Variants in KAZN observed in about 807,000 individuals in gnomAD.
The protein encoded by KAZN is kazrin, periplakin interacting protein.
Under a neutral mutation model 87.4 loss-of-function variants are expected in KAZN, and 40 were observed. The ratio of observed to expected loss-of-function variants is 0.46; its 90% CI spans 0.36 to 0.60. KAZN has a LOEUF of 0.60. Among genes scored for constraint, KAZN ranks in the 20% least tolerant of loss-of-function variants. KAZN has a pLI of 0.00. For synonymous variants in KAZN, 466 were observed against 458.3 expected, an observed-to-expected ratio of 1.02 and a Z score of -0.22; for missense variants, 898 against 1,073.9, an observed-to-expected ratio of 0.84 and a Z score of 2.29.
chr1:14,712,883 A>G (rs891268293), intron 1 of KAZN, among the ~76,000 whole-genome samples: 11 of 152,190 alleles, frequency 7.2e-5, no homozygotes, highest in African/African-American at 2.4e-4. Flanking sequence ...ACACACCACA[A>G]TAAAGAGCAT....
chr1:14,356,320 T>C (rs1659025277), intron 2 of KAZN, among the ~76,000 whole-genome samples: 1 of 152,262 alleles, frequency 6.6e-6, no homozygotes, highest in South Asian at 2.1e-4. Flanking sequence ...AGATTCTGGA[T>C]ATTAGCCCTT....
chr1:14,641,553 G>A (rs973938469), intron 1 of KAZN, among the ~76,000 whole-genome samples: 5 of 152,206 alleles, frequency 3.3e-5, no homozygotes, highest in Admixed American at 1.3e-4. Flanking sequence ...TGTGCCTCAA[G>A]GTGGTGCTCC....
chr1:14,388,659 A>G (rs1214835813), intron 2 of KAZN, among the ~76,000 whole-genome samples: 3 of 152,230 alleles, frequency 2.0e-5, no homozygotes, highest in Non-Finnish European at 4.4e-5. Context: ...CAGAAGAATG[A>G]AACTAGACCC....
intron 2 of KAZN, among the ~76,000 whole-genome samples, chr1:14,202,165 G>A (rs1203106885): frequency 6.6e-6 from 1 of 152,178 alleles, no homozygotes; most frequent in East Asian, 1.9e-4. Flanking sequence ...CACACAGGGT[G>A]AGTCCTGGAG....
At chr1:14,527,130 T>C (rs1671914587) in intron 2 of KAZN, among the ~76,000 whole-genome samples, 1 of 152,184 alleles carries the variant, frequency 6.6e-6, no homozygotes, top group African/African-American at 2.4e-5. Flanking sequence ...ATCTGGGTGG[T>C]CCTCACTTGG....
chr1:14,242,058 G>C (rs1425224241), intron 2 of KAZN, among the ~76,000 whole-genome samples: 1 of 152,128 alleles, frequency 6.6e-6, no homozygotes. Context: ...GCTCCTTGAA[G>C]TATCATCTTA....
At chr1:14,260,549 AG>A (rs946424201) in intron 2 of KAZN, among the ~76,000 whole-genome samples, 45 of 152,298 alleles carry the variant, frequency 3.0e-4, no homozygotes, top group African/African-American at 1.1e-3. Flanking sequence ...CCAAGGTTAC[AG>A]CTGGATGGAG....
At chr1:14,804,241 G>A (rs1028848350) in intron 1 of KAZN, among the ~76,000 whole-genome samples, 11 of 152,216 alleles carry the variant, frequency 7.2e-5, no homozygotes, top group African/African-American at 2.4e-4. Context: ...ACAAACGTAA[G>A]CAAAGTGGGA....
At chr1:14,320,109 G>T (rs945873254) in intron 2 of KAZN, among the ~76,000 whole-genome samples, 8 of 152,104 alleles carry the variant, frequency 5.3e-5, no homozygotes, top group African/African-American at 1.9e-4. Flanking sequence ...GAGGCTATAG[G>T]ATAGTAAGGA....
At chr1:13,987,926 G>C (rs965345009) in intron 1 of KAZN, among the ~76,000 whole-genome samples, 1 of 152,164 alleles carries the variant, frequency 6.6e-6, no homozygotes, top group Non-Finnish European at 1.5e-5. Context: ...GGCATCTGTT[G>C]AGAACCTTTG....
intron 1 of KAZN, among the ~76,000 whole-genome samples, chr1:14,153,109 G>A (rs946274609): frequency 6.6e-6 from 1 of 152,088 alleles, no homozygotes; most frequent in African/African-American, 2.4e-5. Context: ...TTGTCAGATG[G>A]GTAGTTTGTA....
chr1:14,286,679 C>G (rs1489170655), intron 2 of KAZN, among the ~76,000 whole-genome samples: 1 of 152,154 alleles, frequency 6.6e-6, no homozygotes, highest in Non-Finnish European at 1.5e-5. Context: ...GAAGAAAGCT[C>G]TAAGCCCACT....
At chr1:14,210,825 C>A (rs1273159488) in intron 2 of KAZN, among the ~76,000 whole-genome samples, 5 of 152,000 alleles carry the variant, frequency 3.3e-5, no homozygotes, top group African/African-American at 1.2e-4. Flanking sequence ...TTCTGCAAAT[C>A]TCTTTAATGT....
chr1:14,835,399 C>T (rs1459764763), intron 1 of KAZN, among the ~76,000 whole-genome samples: 3 of 152,104 alleles, frequency 2.0e-5, no homozygotes, highest in African/African-American at 4.8e-5. Context: ...TCTTGTACCC[C>T]GTAGGCAGAG....
At chr1:15,053,174 G>C (rs892191073) in intron 4 of KAZN, among the ~76,000 whole-genome samples, 6 of 152,212 alleles carry the variant, frequency 3.9e-5, no homozygotes, top group Non-Finnish European at 1.5e-5. Context: ...GCAAGGGAGT[G>C]GGGCATCCCC....
chr1:14,084,920 A>G (rs956743517), intron 1 of KAZN, among the ~76,000 whole-genome samples: 20 of 152,024 alleles, frequency 1.3e-4, no homozygotes, highest in African/African-American at 4.8e-4. Flanking sequence ...GTGCATATAT[A>G]TGTGTGTGTG....
chr1:14,236,916 C>T (rs1648481238), intron 2 of KAZN, among the ~76,000 whole-genome samples: 1 of 152,060 alleles, frequency 6.6e-6, no homozygotes, highest in Non-Finnish European at 1.5e-5. Flanking sequence ...GGAGCAAGAC[C>T]CTGTCCCCCA....
intron 1 of KAZN, among the ~76,000 whole-genome samples, chr1:14,740,984 G>A (rs573612381): frequency 6.6e-6 from 1 of 152,316 alleles, no homozygotes; most frequent in South Asian, 2.1e-4. Context: ...GAGGGGAGTG[G>A]GAAGGAGCTC....
At chr1:14,239,949 C>A (rs1432219320) in intron 2 of KAZN, among the ~76,000 whole-genome samples, 1 of 152,124 alleles carries the variant, frequency 6.6e-6, no homozygotes. Context: ...CTTGCCTCAA[C>A]AAAGATGTAC....
Sources: gnomAD v4.1 joint callset for allele counts (sites outside exome capture counted in the v4.1 genomes callset) on GRCh38, gnomAD v4.1.1 for gene constraint, MANE v1.5 for transcripts, NCBI Gene and HGNC (gene_info 2026-07-23, HGNC 2026-07-21) for gene names.